CENPI: variants seen among roughly 807,000 people sequenced by gnomAD.
The protein encoded by CENPI is FSH primary response 1.
CENPI carries 4 observed loss-of-function variants against 60.4 expected under a neutral mutation model. That is an observed-to-expected ratio of 0.07 (90% CI 0.03 to 0.15). CENPI has a LOEUF of 0.15. CENPI is among the 10% of genes least tolerant of loss of function. CENPI has a pLI of 1.00. For missense variants in CENPI, 444 were observed against 534.5 expected (o/e 0.83, Z 1.67); for synonymous variants, 157 against 189.4 (o/e 0.83, Z 1.40).
At chrX:101,099,278 A>G (rs1296867443) in intron 2 of CENPI, among the ~76,000 whole-genome samples, 1 of 109,360 alleles carries the variant, frequency 9.1e-6, no homozygotes, top group African/African-American at 3.3e-5. Flanking sequence ...AAATACAACA[A>G]ATAGCCGGGT....
the CENPI span, among the ~76,000 whole-genome samples, chrX:101,179,224 T>C: frequency 1.7e-4 from 19 of 112,187 alleles, no homozygotes; most frequent in African/African-American, 5.8e-4. Flanking sequence ...TTCTGGTCTC[T>C]ATGAATTCAC....
chrX:101,154,062 A>G (rs2090031532), intron 20 of CENPI, among the ~76,000 whole-genome samples: 1 of 111,882 alleles, frequency 8.9e-6, no homozygotes, highest in East Asian at 2.8e-4. Flanking sequence ...AAATCAATGG[A>G]CCATAGATGT....
At chrX:101,160,462 C>A (rs776409366) in intron 20 of CENPI, among the ~76,000 whole-genome samples, 1 of 105,812 alleles carries the variant, frequency 9.5e-6, no homozygotes, top group East Asian at 3.0e-4. Flanking sequence ...CTCACTGCAA[C>A]CTCTGCCTCC....
chrX:101,163,010 C>T lies in CENPI; in HGVS notation c.*43C>T. The T allele has an allele frequency of 8.5e-7, 1 of 1,175,655 alleles. No homozygotes were observed. Among genetic ancestry groups the T allele is most frequent in the Non-Finnish European group, 1.1e-6 (1 of 872,153 alleles). ...CTGAACACACTGGACTAAACTCACT[C>T]CTCATTGCTAGAGCAAAGTGGCTCA... On this transcript the variant is annotated 3_prime_UTR_variant, in exon 22 of 22. Transcript: ENST00000682095.
Position 101,109,926 on chromosome X carries a change from C to T in CENPI, c.519C>T (p.Asp173=), listed in dbSNP as rs770780369. 1 of 1,205,180 alleles carries T rather than the reference C, an allele frequency of 8.3e-7. No individual in the cohort carries two copies. Reference sequence around the variant, plus strand: ...ATCGTTGGCTGGTTGCAATGTTTGACTTCATTGATCGTAAGGAGCAAATTA... The same window carrying T: ...ATCGTTGGCTGGTTGCAATGTTTGATTTCATTGATCGTAAGGAGCAAATTA... The part of the protein sequence containing the change: ...LFYRWLVAMF[D]FIDRKEQINL... The change falls in exon 6 of 22, where the codon GAC becomes GAT. Residue 173 remains aspartate, a synonymous_variant. Transcript: ENST00000682095.
At chrX:101,130,170 C>T in intron 13 of CENPI, 97 bp downstream of exon 13, 1 of 597,438 alleles carries the variant, frequency 1.7e-6, no homozygotes, top group East Asian at 3.7e-5. Flanking sequence ...TGCGGTGGCT[C>T]ACACCTGTAA....
chrX:101,101,461 G>A (rs3788735), intron 3 of CENPI, among the ~76,000 whole-genome samples, 165 bp downstream of exon 3: 25,590 of 110,850 alleles, frequency 0.23, 2,201 homozygotes, highest in South Asian at 0.29. Flanking sequence ...AGGCACTAGG[G>A]ACACAACAAC....
chrX:101,127,057 C>G, intron 9 of CENPI, 81 bp from the exon 10 acceptor site: 1 of 830,318 alleles, frequency 1.2e-6, no homozygotes. Context: ...AATATATTTT[C>G]AATTAATGAG....
intron 20 of CENPI, among the ~76,000 whole-genome samples, chrX:101,159,106 T>C (rs1398094255): frequency 2.7e-5 from 3 of 111,381 alleles, no homozygotes; most frequent in Admixed American, 9.6e-5. Context: ...TTGAGATATA[T>C]TGCAGTGGTA....
chrX:101,136,820 A>G (rs1356829966), intron 15 of CENPI, among the ~76,000 whole-genome samples: 1 of 112,310 alleles, frequency 8.9e-6, no homozygotes, highest in Non-Finnish European at 1.9e-5. Context: ...AACATTGCAT[A>G]ATAATTTTCA....
intron 9 of CENPI, 122 bp downstream of exon 9, chrX:101,126,920 A>T: frequency 1.4e-6 from 1 of 719,638 alleles, no homozygotes; most frequent in African/African-American, 2.1e-5. Context: ...GTATTGTGGT[A>T]CTGTTTTGGG....
At chrX:101,162,143 G>A (rs1195669881) in intron 21 of CENPI, among the ~76,000 whole-genome samples, 2 of 108,972 alleles carry the variant, frequency 1.8e-5, no homozygotes, top group Non-Finnish European at 3.8e-5. Context: ...GTTTTTCCCT[G>A]TTGGCCAGCT....
downstream of CENPI, among the ~76,000 whole-genome samples, chrX:101,168,097 C>T (rs770885184): frequency 1.2e-4 from 14 of 112,543 alleles, no homozygotes; most frequent in Non-Finnish European, 1.9e-4. Flanking sequence ...GCTAAAATCA[C>T]GGTCATACTT....
intron 16 of CENPI, among the ~76,000 whole-genome samples, chrX:101,143,459 A>G (rs1421832579): frequency 8.9e-6 from 1 of 112,061 alleles, no homozygotes; most frequent in Non-Finnish European, 1.9e-5. Flanking sequence ...TTGCTAGAAG[A>G]ATAAAAGATG....
At position 101,099,041 on chromosome X, in the gene CENPI, TTC is replaced by T. The variant is rs199676028; in HGVS notation, c.-14+506_-14+507del. On this transcript the variant is annotated intron_variant, in intron 2 of 21. Coordinates refer to ENST00000682095, the MANE Select transcript of CENPI (RefSeq NM_001386188.2). ...TGATGTTACTACTGTTTCTTTTCTT[TTC>T]TCTTTTCTTTCTTTCTTTCTGTCTC... is the stretch of plus-strand genomic sequence containing the variant. 8.3e-3 allele frequency among the ~76,000 whole-genome samples: 773 copies of T among 92,896 alleles called. 9 individuals are homozygous for T. The highest frequency in any genetic ancestry group is 0.033 in the African/African-American group (734 of 22,255). The allele number at this position is 92,896 out of a possible 115,157, so 80.7% of individuals were successfully genotyped here.
At chrX:101,123,510 C>T (rs896926366) in intron 8 of CENPI, among the ~76,000 whole-genome samples, 48 of 111,612 alleles carry the variant, frequency 4.3e-4, no homozygotes, top group African/African-American at 1.4e-3. Flanking sequence ...TTTTCTGTTT[C>T]AAGCTTTGTC....
At chrX:101,124,059 A>G (rs776685665) in intron 8 of CENPI, among the ~76,000 whole-genome samples, 140 of 106,187 alleles carry the variant, frequency 1.3e-3, no homozygotes, top group Non-Finnish European at 1.2e-3. Flanking sequence ...TTCCTGTCTT[A>G]TGTGGTTGCA....
chrX:101,167,877 G>A (rs1397196499), downstream of CENPI, among the ~76,000 whole-genome samples: 4 of 112,051 alleles, frequency 3.6e-5, no homozygotes, highest in Admixed American at 9.5e-5. Context: ...GTGGTCCAAA[G>A]TAGAACTCCC....
intron 13 of CENPI, 88 bp from the exon 14 acceptor site, chrX:101,132,102 C>T (rs1465567435): frequency 6.2e-6 from 4 of 644,057 alleles, no homozygotes; most frequent in Non-Finnish European, 2.4e-6. Context: ...AGTGAAGCAA[C>T]TATAGCACAA....
Sources: allele counts gnomAD v4.1 joint callset (sites outside exome capture counted in the v4.1 genomes callset), GRCh38; gene constraint gnomAD v4.1.1; transcripts MANE v1.5; gene names NCBI Gene and HGNC (gene_info 2026-07-23, HGNC 2026-07-21).